CRACR2A: variants seen among roughly 807,000 people sequenced by gnomAD.
The protein encoded by CRACR2A is calcium release activated channel regulator 2A.
In CRACR2A, 79 loss-of-function variants were observed where a neutral mutation model predicts 90.5. The observed-to-expected ratio is 0.87, with a 90% confidence interval of 0.73 to 1.05. CRACR2A has a LOEUF of 1.05. CRACR2A is among the 50% of genes least tolerant of loss of function. CRACR2A has a pLI of 0.00. For missense variants in CRACR2A, 823 were observed against 897.2 expected (o/e 0.92, Z 1.06); for synonymous variants, 338 against 356.7 (o/e 0.95, Z 0.59).
At chr12:3,647,806 T>G (rs1944716397) in intron 11 of CRACR2A, 1 of 964,508 alleles carries the variant, frequency 1.0e-6, no homozygotes, top group Admixed American at 6.2e-5. Flanking sequence ...GAACCCAAAG[T>G]CCTTCTGTTT....
chr12:3,648,464 G>T, intron 11 of CRACR2A, 78 bp downstream of exon 11: 1 of 1,607,628 alleles, frequency 6.2e-7, no homozygotes. Flanking sequence ...CGTAGGCAAG[G>T]ATGACCCTCA....
chr12:3,717,474 G>A (rs1225325017), intron 2 of CRACR2A, among the ~76,000 whole-genome samples: 1 of 152,188 alleles, frequency 6.6e-6, no homozygotes, highest in Admixed American at 6.5e-5. Context: ...GTCAGGTTAT[G>A]TTCTCAGCTG....
rs964950430 is a variant in CRACR2A at position 3,711,315 on chromosome 12, C to T, written c.-37+1922G>A. Among the ~76,000 whole-genome samples, 13 of 152,166 alleles carry T rather than the reference C, an allele frequency of 8.5e-5. No homozygotes were observed. Among genetic ancestry groups the T allele is most frequent in the Admixed American group, 6.5e-4 (10 of 15,278 alleles). On this transcript the variant is annotated intron_variant, in intron 3 of 19. Coordinates refer to ENST00000440314, the MANE Select transcript of CRACR2A (RefSeq NM_001144958.2). The surrounding 1 kb of genome is among the most constrained non-coding windows in gnomAD (Gnocchi z 4.3). ...TTTGACTCGCAATTTCATCTTAAGT[C>T]ATAGTCCTCCTCTCAAATTTTACTT...
Position 3,638,406 on chromosome 12 carries a change from G to A in CRACR2A, c.1320C>T (p.Ser440=), listed in dbSNP as rs1367559857. The A allele has an allele frequency of 7.7e-6, 12 of 1,549,384 alleles. No homozygotes were observed. The highest frequency in any genetic ancestry group is 2.4e-5 in the East Asian group (1 of 40,866). The change falls in exon 14 of 20, where the codon TCC becomes TCT. Residue 440 remains serine, a synonymous_variant. Transcript: ENST00000440314. ...TTAGGGGATATCCACTCAGGCCCAG[G>A]GAGCTTCTCCTTGGGATGCCAAACA... ...EEVFGIPRRS[S]LGLSGYPLTE...
intron 4 of CRACR2A, among the ~76,000 whole-genome samples, chr12:3,683,065 C>T (rs1351359126): frequency 6.6e-6 from 1 of 152,204 alleles, no homozygotes; most frequent in African/African-American, 2.4e-5. Flanking sequence ...GGATTACAGG[C>T]TTGAGCCACT....
chr12:3,617,255 T>C (rs919608920), intron 18 of CRACR2A, among the ~76,000 whole-genome samples: 1 of 151,300 alleles, frequency 6.6e-6, no homozygotes, highest in African/African-American at 2.4e-5. Context: ...GCTATAACAA[T>C]TGTAAAACAA....
chr12:3,636,013 C>T (rs1028410414), intron 14 of CRACR2A, among the ~76,000 whole-genome samples: 7 of 151,990 alleles, frequency 4.6e-5, no homozygotes, highest in South Asian at 2.1e-4. Flanking sequence ...TTTTAACAGC[C>T]GTATAATATT....
At chr12:3,627,175 G>C (rs1161896029) in intron 17 of CRACR2A, among the ~76,000 whole-genome samples, 11 of 152,188 alleles carry the variant, frequency 7.2e-5, no homozygotes, top group Admixed American at 7.2e-4. Context: ...ACAGCTACTG[G>C]CATAATCTGG....
rs954715791 is a variant in CRACR2A at position 3,638,053 on chromosome 12, C to A, written c.1602+71G>T. On this transcript the variant is annotated intron_variant, in intron 14 of 19. Transcript: ENST00000440314. ...TGACCTCCTGAGCTGCCTCTCCGGG[C>A]GCTTGGCCTCAAATGCAAGAGACAG... 5 of 1,429,018 alleles carry A rather than the reference C, an allele frequency of 3.5e-6. No homozygotes were observed. The Admixed American group carries it at 1.0e-4, about 30-fold the overall frequency. The allele number at this position is 1,429,018 out of a possible 1,614,324, so 88.5% of individuals were successfully genotyped here.
intron 11 of CRACR2A, among the ~76,000 whole-genome samples, chr12:3,645,408 A>G (rs1944665800): frequency 6.6e-6 from 1 of 152,208 alleles, no homozygotes; most frequent in Admixed American, 6.5e-5. Context: ...GAAGCGAGAG[A>G]AAAAGTGGAT....
intron 4 of CRACR2A, among the ~76,000 whole-genome samples, chr12:3,683,073 A>G (rs1945487786): frequency 6.6e-6 from 1 of 152,212 alleles, no homozygotes; most frequent in Non-Finnish European, 1.5e-5. Flanking sequence ...GGCTTGAGCC[A>G]CTGGACCTGG....
chr12:3,640,523 A>G (rs944150617), intron 13 of CRACR2A: 30 of 1,223,446 alleles, frequency 2.5e-5, no homozygotes, highest in Non-Finnish European at 2.9e-5. Flanking sequence ...GAATCAATCA[A>G]TCAATCCATT....
rs938300588 is a variant in CRACR2A, at chr12:3,633,144, C to T, written c.1735+460G>A. ...ATGGGTAAAAGAAGCCATCCAGGAG[C>T]AAGGCCAGGATGTAGCAGGCCCTCA... On this transcript the variant is annotated intron_variant, in intron 15 of 19. Transcript: ENST00000440314. The surrounding 1 kb of genome is among the most constrained non-coding windows in gnomAD (Gnocchi z 4.5). Among the ~76,000 whole-genome samples, 1 of 152,028 alleles carries T rather than the reference C, an allele frequency of 6.6e-6. No homozygotes were observed. Among genetic ancestry groups the T allele is most frequent in the African/African-American group, 2.4e-5 (1 of 41,380 alleles).
At chr12:3,653,053 G>A (rs951779228) in intron 10 of CRACR2A, among the ~76,000 whole-genome samples, 9 of 151,626 alleles carry the variant, frequency 5.9e-5, no homozygotes, top group African/African-American at 2.2e-4. Flanking sequence ...CACGATCTTG[G>A]CTCACTGTAA....
chr12:3,733,988 T>TTTTTTTTTTG, intron 1 of CRACR2A, among the ~76,000 whole-genome samples: 1 of 148,420 alleles, frequency 6.7e-6, no homozygotes. Flanking sequence ...TTTTTTTTTT[T>TTTTTTTTTTG]GAGATGGAGT....
chr12:3,739,025 C>A (rs1379450168), intron 1 of CRACR2A, among the ~76,000 whole-genome samples: 3 of 138,944 alleles, frequency 2.2e-5, no homozygotes, highest in Non-Finnish European at 3.2e-5. Flanking sequence ...GAAATAAAGA[C>A]ATTATCTGAC....
intron 15 of CRACR2A, among the ~76,000 whole-genome samples, chr12:3,632,410 G>A (rs1441653700): frequency 6.6e-6 from 1 of 152,146 alleles, no homozygotes; most frequent in Non-Finnish European, 1.5e-5. Flanking sequence ...GAAGCCCTAA[G>A]AGGCACCACA....
Position 3,627,543 on chromosome 12 carries a change from A to G in CRACR2A, c.1825T>C (p.Cys609Arg). The part of the protein sequence containing the change: ...WDTAGQERYR[C>R]ITQQFFRKAD... ...TTTCTGAAGAACTGCTGGGTGATGC[A>G]CCGGTACCTGCCACAGAAGGGCCAC... Residue 609 changes from cysteine (C) to arginine (R), a missense_variant, in exon 17 of 20, where the codon TGC (cysteine) becomes CGC (arginine). Cys to Arg is a radical substitution (Grantham distance 180, BLOSUM62 -3). Coordinates refer to ENST00000440314, the MANE Select transcript of CRACR2A (RefSeq NM_001144958.2). 1 of 1,551,516 alleles carries G rather than the reference A, an allele frequency of 6.4e-7. No individual in the cohort carries two copies. Among genetic ancestry groups the G allele is most frequent in the Middle Eastern group, 1.7e-4 (1 of 5,992 alleles).
At chr12:3,705,559 C>T (rs1202342493) in intron 3 of CRACR2A, among the ~76,000 whole-genome samples, 1 of 152,210 alleles carries the variant, frequency 6.6e-6, no homozygotes, top group Non-Finnish European at 1.5e-5. Flanking sequence ...CTCCAGGATC[C>T]ATTGACATCT....
Sources: allele counts gnomAD v4.1 joint callset (sites outside exome capture counted in the v4.1 genomes callset), GRCh38; gene constraint gnomAD v4.1.1; non-coding constraint Gnocchi (gnomAD v3.1); transcripts MANE v1.5; gene names NCBI Gene and HGNC (gene_info 2026-07-23, HGNC 2026-07-21).